RECK: variants seen among roughly 807,000 people sequenced by gnomAD.
RECK encodes reversion inducing cysteine rich protein with kazal motifs, also known as reversion-inducing cysteine-rich protein with Kazal motifs.
In RECK, 69 loss-of-function variants were observed where a neutral mutation model predicts 115.1. The ratio of observed to expected loss-of-function variants is 0.60; its 90% CI spans 0.49 to 0.73. RECK has a LOEUF of 0.73. Among genes scored for constraint, RECK ranks in the 30% least tolerant of loss-of-function variants. The pLI is 0.00. For missense variants in RECK, 1,047 were observed against 1,203.7 expected (o/e 0.87, Z 1.93); for synonymous variants, 414 against 419.7 (o/e 0.99, Z 0.17).
chr9:36,061,539 T>C (rs573766635), intron 4 of RECK, among the ~76,000 whole-genome samples: 21 of 152,276 alleles, frequency 1.4e-4, no homozygotes, highest in African/African-American at 5.1e-4. Context: ...GCCTTGTACA[T>C]AGTAGGACCT....
chr9:36,113,831 A>G (rs1034807373), intron 16 of RECK, among the ~76,000 whole-genome samples: 4 of 152,378 alleles, frequency 2.6e-5, no homozygotes, highest in Middle Eastern at 6.8e-3. Context: ...GGACATAAAC[A>G]TAAAAAAAGA....
intron 18 of RECK, 95 bp downstream of exon 18, chr9:36,119,062 G>T: frequency 8.0e-7 from 1 of 1,255,812 alleles, no homozygotes; most frequent in Non-Finnish European, 1.1e-6. Context: ...GCTCATTTAC[G>T]TTTTTCAGAA....
At chr9:36,107,935 A>C (rs759070765) in intron 13 of RECK, 41 bp from the exon 14 acceptor site, 11 of 1,433,872 alleles carry the variant, frequency 7.7e-6, no homozygotes, top group Admixed American at 1.9e-5. Flanking sequence ...ACAATGTCAT[A>C]GAACAGTACC....
chr9:36,110,937 C>G (rs1353523765), intron 15 of RECK, among the ~76,000 whole-genome samples: 2 of 152,048 alleles, frequency 1.3e-5, no homozygotes, highest in Non-Finnish European at 2.9e-5. Context: ...AGAGGTAGGA[C>G]GAACACTACC....
Position 36,083,415 on chromosome 9 carries a change from T to A in RECK, c.490T>A (p.Tyr164Asn). The A allele has an allele frequency of 6.2e-7, 1 of 1,614,100 alleles. No individual in the cohort carries two copies. The highest frequency in any genetic ancestry group is 2.2e-5 in the East Asian group (1 of 44,882). Residue 164 changes from tyrosine to asparagine, a missense_variant, in exon 8 of 21, where the codon TAC becomes AAC. Coordinates refer to ENST00000377966, the MANE Select transcript of RECK (RefSeq NM_021111.3). The part of the protein sequence containing the change: ...YAGHHTNCRE[Y>N]CQAIFRTDSS... ...AGGTCATCACACAAACTGCCGAGAA[T>A]ACTGTCAAGCCATTTTTCGAACAGA...
chr9:36,060,506 C>G (rs1449693525), intron 4 of RECK, among the ~76,000 whole-genome samples: 1 of 152,164 alleles, frequency 6.6e-6, no homozygotes, highest in African/African-American at 2.4e-5. Context: ...TGAAACTAGT[C>G]TTTGAAAGAT....
chr9:36,047,633 TC>T (rs1821116049), intron 1 of RECK, among the ~76,000 whole-genome samples: 2 of 152,174 alleles, frequency 1.3e-5, no homozygotes, highest in African/African-American at 4.8e-5. Context: ...AGTGCTTCGG[TC>T]CTCCCTTGTG....
At position 36,123,321 on chromosome 9, in the gene RECK, G is replaced by T. The variant is rs1424446240; in HGVS notation, c.*276G>T. On this transcript the variant is annotated 3_prime_UTR_variant, in exon 21 of 21. Coordinates refer to ENST00000377966, the MANE Select transcript of RECK (RefSeq NM_021111.3). The stretch of plus-strand genomic sequence containing the variant: ...TGATTTACATTTCCTCACCATAAGG[G>T]TCCCCCACTCTAAAGCAAATTTATC... 3 of 334,234 alleles carry T rather than the reference G, an allele frequency of 9.0e-6. No homozygotes were observed. Among genetic ancestry groups the T allele is most frequent in the African/African-American group, 2.1e-5 (1 of 47,236 alleles). The allele number at this position is 334,234 out of a possible 1,614,324, so 20.7% of individuals were successfully genotyped here. A position where few individuals can be genotyped will look rare whatever the true frequency, so the allele number is the denominator to read the frequency against.
At chr9:36,102,048 G>A (rs770570978) in intron 11 of RECK, 46 bp from the exon 12 acceptor site, 3 of 1,585,218 alleles carry the variant, frequency 1.9e-6, no homozygotes, top group East Asian at 2.2e-5. Context: ...TGGACAACAT[G>A]AGGAGGTTCC....
At chr9:36,118,662 T>C (rs1211486430) in intron 17 of RECK, 95 bp from the exon 18 acceptor site, 2 of 1,193,028 alleles carry the variant, frequency 1.7e-6, no homozygotes, top group African/African-American at 3.0e-5. Flanking sequence ...GTGTCTTTTT[T>C]CCTTCCTGAA....
chr9:36,115,272 G>T (rs7045313), intron 16 of RECK, among the ~76,000 whole-genome samples: 3,829 of 151,866 alleles, frequency 0.025, 174 homozygotes, highest in African/African-American at 0.087. Flanking sequence ...CTGAGATCAC[G>T]CCACTGCCCT....
At chr9:36,105,546 AAC>A (rs1379201245) in intron 13 of RECK, among the ~76,000 whole-genome samples, 1 of 152,244 alleles carries the variant, frequency 6.6e-6, no homozygotes, top group East Asian at 1.9e-4. Context: ...AACTAATAAT[AAC>A]AGTCTAAAAC....
At chr9:36,058,801 A>G (rs2132577580) in intron 2 of RECK, 26 bp from the exon 3 acceptor site, 3 of 1,547,814 alleles carry the variant, frequency 1.9e-6, no homozygotes, top group African/African-American at 1.4e-5. Context: ...AAATGCCACA[A>G]AAACTTTTTT....
intron 18 of RECK, among the ~76,000 whole-genome samples, chr9:36,119,532 T>G (rs1044897806): frequency 1.3e-4 from 20 of 152,202 alleles, no homozygotes; most frequent in Non-Finnish European, 1.5e-5. Context: ...CAAACAGAAG[T>G]AGCAGAAGAG....
At chr9:36,067,709 A>G (rs1822063421) in intron 6 of RECK, among the ~76,000 whole-genome samples, 1 of 152,192 alleles carries the variant, frequency 6.6e-6, no homozygotes, top group Non-Finnish European at 1.5e-5. Flanking sequence ...GACTTAGTTT[A>G]GAATTCTGAT....
intron 17 of RECK, among the ~76,000 whole-genome samples, chr9:36,118,439 C>G (rs1032195269): frequency 6.7e-6 from 1 of 149,890 alleles, no homozygotes; most frequent in African/African-American, 2.5e-5. Flanking sequence ...TTCTGGGATA[C>G]TAACAGAAGT....
In RECK at chr9:36,118,774, C is replaced by T. The variant is rs1436033301; in HGVS notation, c.2271C>T (p.Thr757=). The part of the protein sequence containing the change: ...KGPCQPFCRA[T]EPVCGHNGET... ...GCCCTCAGCCCTTTTGCAGAGCAAC[C>T]GAGCCCGTATGTGGGCACAATGGTG... The change falls in exon 18 of 21, where the codon ACC becomes ACT. Residue 757 remains threonine (T), a synonymous_variant. Transcript: ENST00000377966. 18 of 1,613,972 alleles carry T rather than the reference C, an allele frequency of 1.1e-5. No homozygotes were observed. Among genetic ancestry groups the T allele is most frequent in the Non-Finnish European group, 1.4e-5 (17 of 1,179,976 alleles).
intron 1 of RECK, among the ~76,000 whole-genome samples, chr9:36,050,743 C>G (rs958007660): frequency 2.0e-5 from 3 of 152,158 alleles, no homozygotes; most frequent in Non-Finnish European, 2.9e-5. Flanking sequence ...TTCAGTCATT[C>G]TTTTCTAGCC....
chr9:36,053,138 G>A (rs1259129108), intron 2 of RECK, among the ~76,000 whole-genome samples: 2 of 152,168 alleles, frequency 1.3e-5, no homozygotes, highest in African/African-American at 4.8e-5. Context: ...TAGGATGGGT[G>A]CATCTTGATG....
Sources: allele counts gnomAD v4.1 joint callset (sites outside exome capture counted in the v4.1 genomes callset), GRCh38; gene constraint gnomAD v4.1.1; transcripts MANE v1.5; gene names NCBI Gene and HGNC (gene_info 2026-07-23, HGNC 2026-07-21).